KCNIP1: variants seen among roughly 807,000 people sequenced by gnomAD.
The protein encoded by KCNIP1 is A-type potassium channel modulatory protein KCNIP1.
Under a neutral mutation model 33.0 loss-of-function variants are expected in KCNIP1, and 18 were observed. The ratio of observed to expected loss-of-function variants is 0.55; its 90% CI spans 0.38 to 0.81. The LOEUF (loss-of-function observed/expected upper bound fraction) is 0.81, where lower values mean the gene tolerates loss of function less well. Among genes scored for constraint, KCNIP1 ranks in the 30% least tolerant of loss-of-function variants. KCNIP1 has a pLI of 0.00. For synonymous variants in KCNIP1, 93 were observed against 98.3 expected (o/e 0.95, Z 0.32); for missense variants, 238 against 271.6 (o/e 0.88, Z 0.87).
chr5:170,422,098 C>T lies in KCNIP1; in HGVS notation c.88+68134C>T, dbSNP rs190731397. Reference sequence around the variant, plus strand: ...AATAGTGTTAGAATTTATATAAACACAGATGTGACTTGTGCCTTGAAGGAG... The same window carrying T: ...AATAGTGTTAGAATTTATATAAACATAGATGTGACTTGTGCCTTGAAGGAG... On this transcript the variant is annotated intron_variant, in intron 1 of 7. Coordinates refer to the KCNIP1 transcript ENST00000377360. 3.3e-5 allele frequency: 5 copies of T among 152,332 alleles called. No homozygotes were observed. In the East Asian group the frequency reaches 9.6e-4, roughly 29 times the overall value. The allele number at this position is 152,332 out of a possible 1,614,324, so 9.4% of individuals were successfully genotyped here. A position where few individuals can be genotyped will look rare whatever the true frequency, so the allele number is the denominator to read the frequency against.
chr5:170,554,048 G>A (rs367579027), intron 1 of KCNIP1, among the ~76,000 whole-genome samples: 29 of 152,268 alleles, frequency 1.9e-4, no homozygotes, highest in African/African-American at 5.8e-4. Flanking sequence ...AGCAGCTCCC[G>A]TTGGTCATGC....
intron 5 of KCNIP1, among the ~76,000 whole-genome samples, chr5:170,731,427 G>A (rs1438727933): frequency 6.6e-6 from 1 of 152,188 alleles, no homozygotes; most frequent in Admixed American, 6.5e-5. Context: ...CTCAGGCTGG[G>A]CATGGTGGCT....
At chr5:170,716,441 C>T (rs1763647322) in intron 1 of KCNIP1, among the ~76,000 whole-genome samples, 1 of 152,204 alleles carries the variant, frequency 6.6e-6, no homozygotes, top group South Asian at 2.1e-4. Context: ...CTAACATCCA[C>T]AGGCAGGCTA....
intron 1 of KCNIP1, among the ~76,000 whole-genome samples, chr5:170,444,683 A>G (rs1756068306): frequency 6.8e-6 from 1 of 147,920 alleles, no homozygotes; most frequent in Non-Finnish European, 1.5e-5. Context: ...TCTACAAATT[A>G]TATTTTTTCT....
chr5:170,598,889 C>CTGTGTGTGTGCGCGTGTGTG (rs1193319687), intron 1 of KCNIP1, among the ~76,000 whole-genome samples: 4 of 141,732 alleles, frequency 2.8e-5, no homozygotes, highest in South Asian at 2.4e-4. Context: ...CATAGCCCCG[C>CTGTGTGTGTGCGCGTGTGTG]TGTGTGTGTG....
At chr5:170,512,293 G>A (rs2113269961) in intron 1 of KCNIP1, among the ~76,000 whole-genome samples, 2 of 152,290 alleles carry the variant, frequency 1.3e-5, no homozygotes, top group South Asian at 4.1e-4. Flanking sequence ...CACGGTCCAG[G>A]TGGGCAAGGA....
chr5:170,597,121 C>T (rs1238294217), intron 1 of KCNIP1, among the ~76,000 whole-genome samples: 1 of 152,242 alleles, frequency 6.6e-6, no homozygotes, highest in Non-Finnish European at 1.5e-5. Flanking sequence ...CTCTGAACCA[C>T]TGGTCTATCC....
chr5:170,398,402 G>A (rs981553993), intron 1 of KCNIP1, among the ~76,000 whole-genome samples: 3 of 152,150 alleles, frequency 2.0e-5, no homozygotes, highest in East Asian at 1.9e-4. Flanking sequence ...CCAGAATACC[G>A]ATACCAATTC....
At chr5:170,478,653 G>T (rs754449953) in intron 1 of KCNIP1, among the ~76,000 whole-genome samples, 1 of 152,188 alleles carries the variant, frequency 6.6e-6, no homozygotes, top group African/African-American at 2.4e-5. Context: ...AAGAACAATT[G>T]CCAAGATGTC....
chr5:170,567,939 GCACCCAAGGT>G (rs1757257819), intron 1 of KCNIP1, among the ~76,000 whole-genome samples: 1 of 152,186 alleles, frequency 6.6e-6, no homozygotes, highest in Non-Finnish European at 1.5e-5. Context: ...GATGAGATTT[GCACCCAAGGT>G]CAGGATGGCT....
intron 1 of KCNIP1, among the ~76,000 whole-genome samples, chr5:170,361,018 T>A (rs947790748): frequency 1.3e-5 from 2 of 152,212 alleles, no homozygotes; most frequent in Non-Finnish European, 2.9e-5. Flanking sequence ...ACGACCTGGA[T>A]GAGACAAGGG....
At chr5:170,620,169 C>T (rs999268548) in intron 1 of KCNIP1, among the ~76,000 whole-genome samples, 1 of 152,162 alleles carries the variant, frequency 6.6e-6, no homozygotes, top group Non-Finnish European at 1.5e-5. Context: ...GTTCCACTTC[C>T]CTTGTCCCTA....
chr5:170,562,120 G>A (rs1757053482), intron 1 of KCNIP1, among the ~76,000 whole-genome samples: 1 of 152,198 alleles, frequency 6.6e-6, no homozygotes, highest in Non-Finnish European at 1.5e-5. Context: ...TGTGGCAAAT[G>A]TTTAGATGGA....
At chr5:170,451,187 G>A (rs984778484) in intron 1 of KCNIP1, among the ~76,000 whole-genome samples, 6 of 152,138 alleles carry the variant, frequency 3.9e-5, no homozygotes, top group African/African-American at 1.2e-4. Flanking sequence ...ATGTCTAAAC[G>A]CAGATAAAAC....
chr5:170,424,253 G>A (rs1417141208), intron 1 of KCNIP1, among the ~76,000 whole-genome samples: 1 of 152,132 alleles, frequency 6.6e-6, no homozygotes, highest in Non-Finnish European at 1.5e-5. Context: ...GCCATTTATC[G>A]AAGGCCTACT....
intron 2 of KCNIP1, among the ~76,000 whole-genome samples, chr5:170,719,309 A>G (rs1321823382): frequency 6.6e-6 from 1 of 151,948 alleles, no homozygotes; most frequent in East Asian, 2.0e-4. Context: ...TGGAACTGAC[A>G]GTGGAAACAG....
chr5:170,367,043 G>T (rs963253976), intron 1 of KCNIP1, among the ~76,000 whole-genome samples: 5 of 152,180 alleles, frequency 3.3e-5, no homozygotes, highest in African/African-American at 1.2e-4. Context: ...GTGCAGTCTG[G>T]CACGGTGGCT....
intron 1 of KCNIP1, among the ~76,000 whole-genome samples, chr5:170,604,979 C>T (rs1246763736): frequency 6.6e-6 from 1 of 152,240 alleles, no homozygotes; most frequent in Non-Finnish European, 1.5e-5. Context: ...TCCCTCTTTC[C>T]CTCCTCCAGC....
chr5:170,438,289 G>A (rs13156588), intron 1 of KCNIP1, among the ~76,000 whole-genome samples: 83,244 of 151,826 alleles, frequency 0.55, 23,156 homozygotes, highest in Non-Finnish European at 0.59. Flanking sequence ...TGCAGACAAG[G>A]CTCTAGTGTT....
Sources: gnomAD v4.1 joint callset for allele counts (sites outside exome capture counted in the v4.1 genomes callset) on GRCh38, gnomAD v4.1.1 for gene constraint, MANE v1.5 for transcripts, NCBI Gene and HGNC (gene_info 2026-07-23, HGNC 2026-07-21) for gene names.